The following SLC35F4 variants were observed in gnomAD, a reference collection of about 807,000 sequenced individuals.
SLC35F4 encodes the protein chromosome 14 open reading frame 36.
Under a neutral mutation model 44.2 loss-of-function variants are expected in SLC35F4, and 24 were observed. The ratio of observed to expected loss-of-function variants is 0.54; its 90% CI spans 0.39 to 0.76. SLC35F4 has a LOEUF of 0.76. Among genes scored for constraint, SLC35F4 ranks in the 30% least tolerant of loss-of-function variants. The pLI is 0.00. For missense variants in SLC35F4, 562 were observed against 586.1 expected (o/e 0.96, Z 0.42); for synonymous variants, 238 against 223.6 (o/e 1.06, Z -0.57).
At chr14:57,871,376 A>T (rs768038905) in intron 1 of SLC35F4, among the ~76,000 whole-genome samples, 34 of 152,242 alleles carry the variant, frequency 2.2e-4, no homozygotes, top group Non-Finnish European at 4.4e-4. Context: ...TTTTATGAGG[A>T]ATAGGGACTC....
At chr14:57,759,792 G>T (rs2077080425) in intron 1 of SLC35F4, among the ~76,000 whole-genome samples, 1 of 151,430 alleles carries the variant, frequency 6.6e-6, no homozygotes, top group Non-Finnish European at 1.5e-5. Context: ...TTATAAAACT[G>T]TTGACTATTT....
intron 1 of SLC35F4, among the ~76,000 whole-genome samples, chr14:57,907,905 G>T (rs954034385): frequency 6.6e-6 from 1 of 151,870 alleles, no homozygotes; most frequent in Non-Finnish European, 1.5e-5. Flanking sequence ...ATGGTGGTTT[G>T]CTGCACCTAT....
chr14:57,974,809 A>T (rs756460840), downstream of SLC35F4, among the ~76,000 whole-genome samples: 1 of 152,210 alleles, frequency 6.6e-6, no homozygotes, highest in Non-Finnish European at 1.5e-5. Context: ...TAGATTTTAC[A>T]TATGTAAAAA....
chr14:57,959,485 G>C (rs1046679698), intron 1 of SLC35F4, among the ~76,000 whole-genome samples: 1 of 152,126 alleles, frequency 6.6e-6, no homozygotes, highest in African/African-American at 2.4e-5. Flanking sequence ...AGGAAATTGA[G>C]GTTCTACCCA....
chr14:57,722,582 T>C (rs1446724501), intron 1 of SLC35F4, among the ~76,000 whole-genome samples: 2 of 152,146 alleles, frequency 1.3e-5, no homozygotes, highest in Admixed American at 1.3e-4. Flanking sequence ...AGTAATTGGA[T>C]CCCATGGTGC....
chr14:57,637,272 A>T (rs8017991), intron 1 of SLC35F4, among the ~76,000 whole-genome samples: 232 of 152,254 alleles, frequency 1.5e-3, no homozygotes, highest in Non-Finnish European at 2.9e-3. Flanking sequence ...CTGGATGCTG[A>T]TGACAATAAT....
At chr14:57,630,217 G>A (rs987399233) in intron 1 of SLC35F4, 23 of 561,574 alleles carry the variant, frequency 4.1e-5, no homozygotes, top group Non-Finnish European at 6.0e-5. Flanking sequence ...AATGTGTACA[G>A]TTCTTCATGC....
intron 1 of SLC35F4, among the ~76,000 whole-genome samples, chr14:57,969,430 A>G (rs1047533867): frequency 1.3e-5 from 2 of 152,204 alleles, no homozygotes; most frequent in African/African-American, 2.4e-5. Context: ...ATTGCAAAAT[A>G]AAATATATTT....
intron 1 of SLC35F4, among the ~76,000 whole-genome samples, chr14:57,644,950 T>G (rs2081129528): frequency 6.6e-6 from 1 of 152,236 alleles, no homozygotes; most frequent in African/African-American, 2.4e-5. Context: ...GCATTATTTC[T>G]GAGAGCTCTG....
At chr14:57,584,194 T>A (rs985978816) in intron 3 of SLC35F4, among the ~76,000 whole-genome samples, 7 of 152,194 alleles carry the variant, frequency 4.6e-5, no homozygotes, top group Non-Finnish European at 8.8e-5. Context: ...TCAAATTCAC[T>A]TGAGGCAATT....
chr14:57,791,183 C>T (rs778334525), intron 1 of SLC35F4, among the ~76,000 whole-genome samples: 4 of 152,122 alleles, frequency 2.6e-5, no homozygotes, highest in Admixed American at 6.5e-5. Flanking sequence ...AAACTATCAT[C>T]GGAGTGAACA....
intron 1 of SLC35F4, among the ~76,000 whole-genome samples, chr14:57,747,227 T>C (rs1594949465): frequency 6.6e-6 from 1 of 152,148 alleles, no homozygotes. Context: ...AGTCATAAAG[T>C]TGAGAGCCTT....
At chr14:57,647,413 G>A (rs58147819) in intron 1 of SLC35F4, among the ~76,000 whole-genome samples, 77,637 of 151,716 alleles carry the variant, frequency 0.51, 20,089 homozygotes, top group East Asian at 0.7. Flanking sequence ...TTGTTGGTTT[G>A]AAGTCTAACA....
intron 3 of SLC35F4, among the ~76,000 whole-genome samples, chr14:57,583,451 C>T (rs2069447206): frequency 6.6e-6 from 1 of 152,150 alleles, no homozygotes; most frequent in Non-Finnish European, 1.5e-5. Flanking sequence ...TTATCACTGG[C>T]CCTAGCCAGT....
At chr14:57,699,289 AG>A (rs1178130261) in intron 1 of SLC35F4, among the ~76,000 whole-genome samples, 1 of 152,196 alleles carries the variant, frequency 6.6e-6, no homozygotes, top group East Asian at 1.9e-4. Context: ...TTCACGTTAT[AG>A]TACTGAAATC....
At chr14:57,914,184 A>G (rs7156340) in intron 1 of SLC35F4, among the ~76,000 whole-genome samples, 44,695 of 152,090 alleles carry the variant, frequency 0.29, 7,039 homozygotes, top group East Asian at 0.5. Flanking sequence ...ATCATCTGTC[A>G]CAGGTCATCC....
At chr14:57,937,610 G>GAA (rs1194856665) in intron 1 of SLC35F4, among the ~76,000 whole-genome samples, 1 of 77,022 alleles carries the variant, frequency 1.3e-5, no homozygotes. Context: ...GAAAAGAAAA[G>GAA]AAAAGAAAAG....
intron 1 of SLC35F4, among the ~76,000 whole-genome samples, chr14:57,738,553 T>C (rs2076522097): frequency 6.6e-6 from 1 of 151,940 alleles, no homozygotes; most frequent in African/African-American, 2.4e-5. Flanking sequence ...CATGTTCTGG[T>C]ATAGATTATA....
chr14:57,757,534 T>A (rs1036865721), intron 1 of SLC35F4, among the ~76,000 whole-genome samples: 3 of 148,978 alleles, frequency 2.0e-5, no homozygotes, highest in Non-Finnish European at 4.5e-5. Context: ...TTCTTTGTTG[T>A]TTTACTTATT....
Sources: allele counts gnomAD v4.1 joint callset (sites outside exome capture counted in the v4.1 genomes callset), GRCh38; gene constraint gnomAD v4.1.1; transcripts MANE v1.5; gene names NCBI Gene and HGNC (gene_info 2026-07-23, HGNC 2026-07-21).